The following PCDH15 variants were observed in gnomAD, a reference collection of about 807,000 sequenced individuals.
PCDH15 encodes the protein protocadherin related 15, also known as protocadherin-15.
A neutral mutation model predicts 178.5 loss-of-function variants in PCDH15; 129 were observed. The ratio of observed to expected loss-of-function variants is 0.72; its 90% CI spans 0.63 to 0.84. The LOEUF is 0.84. Ranked by LOEUF, PCDH15 falls within the 40% of genes least tolerant of loss-of-function variation. PCDH15 has a pLI of 0.00. For missense variants in PCDH15, 2,230 were observed against 2,099.9 expected, an observed-to-expected ratio of 1.06 and a Z score of -1.21; for synonymous variants, 800 against 732.0, an observed-to-expected ratio of 1.09 and a Z score of -1.50.
intron 15 of PCDH15, among the ~76,000 whole-genome samples, chr10:54,101,523 T>C (rs1249831951): frequency 1.3e-5 from 2 of 152,126 alleles, no homozygotes; most frequent in African/African-American, 2.4e-5. Flanking sequence ...CATAACCCCT[T>C]AGTATATTTT....
chr10:55,423,324 G>T (rs978361854), intron 2 of PCDH15, among the ~76,000 whole-genome samples: 4 of 151,954 alleles, frequency 2.6e-5, no homozygotes, highest in Admixed American at 1.3e-4. Context: ...ATGCACTGTA[G>T]GGTATCAGAT....
Position 55,085,290 on chromosome 10 carries a change from T to G in PCDH15, c.-80+81286A>C, listed in dbSNP as rs1842140291. On this transcript the variant is annotated intron_variant, in intron 2 of 5. Transcript: ENST00000458638. ...ACAAACTTTGCATGCTCTCACTCATTTGTGGGAGCTAAAAATTAAAACAAT... is the reference window on the plus strand; with the variant it reads ...ACAAACTTTGCATGCTCTCACTCATGTGTGGGAGCTAAAAATTAAAACAAT... Among the ~76,000 whole-genome samples the G allele has an allele frequency of 1.3e-5, 2 of 151,866 alleles. 1 individual carries two copies. The highest frequency in any genetic ancestry group is 1.3e-4 in the Admixed American group (2 of 15,194).
chr10:54,403,544 AC>A (rs1420577882), intron 3 of PCDH15, among the ~76,000 whole-genome samples: 1 of 151,518 alleles, frequency 6.6e-6, no homozygotes, highest in East Asian at 1.9e-4. Context: ...GGACAAAGAT[AC>A]CCCCTATCAC....
chr10:54,131,241 A>G (rs12218327), intron 15 of PCDH15, among the ~76,000 whole-genome samples: 30,743 of 152,104 alleles, frequency 0.2, 4,331 homozygotes, highest in East Asian at 0.81. Context: ...TACTTCATAG[A>G]AAGTTAAATT....
In PCDH15 at chr10:54,346,342, A is replaced by T. The variant is rs375920484; in HGVS notation, c.594+23T>A. 5 of 1,608,046 alleles carry T rather than the reference A, an allele frequency of 3.1e-6. No homozygotes were observed. In the South Asian group the frequency reaches 5.5e-5, roughly 18 times the overall value. On this transcript the variant is annotated intron_variant, in intron 6 of 37. Coordinates refer to ENST00000644397, the MANE Select transcript of PCDH15 (RefSeq NM_001384140.1). ...ATTTTATTCCTTTTAAGAAAATTACATTGCAAATAGGTATTTACATACCGG... is the reference window on the plus strand; with the variant it reads ...ATTTTATTCCTTTTAAGAAAATTACTTTGCAAATAGGTATTTACATACCGG...
chr10:54,702,163 C>A (rs1297916773), intron 1 of PCDH15, among the ~76,000 whole-genome samples: 2 of 151,906 alleles, frequency 1.3e-5, no homozygotes, highest in African/African-American at 4.8e-5. Context: ...CACTCAAAAT[C>A]ATACAAATAC....
intron 2 of PCDH15, among the ~76,000 whole-genome samples, chr10:54,586,962 A>G (rs2091514108): frequency 6.6e-6 from 1 of 152,174 alleles, no homozygotes; most frequent in South Asian, 2.1e-4. Context: ...GATACTCAGT[A>G]CATATTTTTG....
intron 2 of PCDH15, among the ~76,000 whole-genome samples, chr10:54,945,354 TAG>T (rs1838171388): frequency 7.4e-6 from 1 of 134,826 alleles, no homozygotes; most frequent in Non-Finnish European, 1.7e-5. Flanking sequence ...AGATAGATGA[TAG>T]ATAGATATAT....
At chr10:55,121,378 T>G (rs1315528723) in intron 2 of PCDH15, among the ~76,000 whole-genome samples, 1 of 151,898 alleles carries the variant, frequency 6.6e-6, no homozygotes, top group Non-Finnish European at 1.5e-5. Flanking sequence ...CAATTTGCCT[T>G]AGGATGACTT....
At chr10:54,042,132 C>G (rs1403172982) in intron 18 of PCDH15, among the ~76,000 whole-genome samples, 1 of 152,034 alleles carries the variant, frequency 6.6e-6, no homozygotes, top group African/African-American at 2.4e-5. Context: ...CTTTCTATAA[C>G]AATTTCCCAT....
chr10:55,385,808 T>A (rs1433144809), intron 2 of PCDH15, among the ~76,000 whole-genome samples: 1 of 149,338 alleles, frequency 6.7e-6, no homozygotes, highest in African/African-American at 2.4e-5. Context: ...TAGATATGCA[T>A]ATATATGCAT....
chr10:54,877,800 T>C (rs1954173093), intron 3 of PCDH15, among the ~76,000 whole-genome samples: 1 of 152,092 alleles, frequency 6.6e-6, no homozygotes, highest in Non-Finnish European at 1.5e-5. Context: ...ATATTAATAG[T>C]TTCCTGTGAA....
At chr10:54,719,198 T>A (rs893959236) in intron 1 of PCDH15, among the ~76,000 whole-genome samples, 1 of 151,902 alleles carries the variant, frequency 6.6e-6, no homozygotes, top group Non-Finnish European at 1.5e-5. Context: ...AAATAAAAAA[T>A]TCATTAAAAT....
intron 1 of PCDH15, among the ~76,000 whole-genome samples, chr10:54,689,227 T>G (rs1430965603): frequency 6.6e-6 from 1 of 152,118 alleles, no homozygotes; most frequent in Non-Finnish European, 1.5e-5. Context: ...TAGGTAATTT[T>G]TAAAGTTTAT....
chr10:54,170,116 C>T (rs10825249), intron 13 of PCDH15, among the ~76,000 whole-genome samples: 29,052 of 89,444 alleles, frequency 0.32, 5,045 homozygotes, highest in African/African-American at 0.46. Flanking sequence ...GCTGTACTGC[C>T]ACAAAGCTTC....
At chr10:54,218,601 T>C (rs555701701) in intron 9 of PCDH15, among the ~76,000 whole-genome samples, 8 of 152,190 alleles carry the variant, frequency 5.3e-5, no homozygotes, top group African/African-American at 1.9e-4. Context: ...CTGGAGAAGC[T>C]TCATCAAATA....
At chr10:55,085,355 G>A (rs546498347) in intron 2 of PCDH15, among the ~76,000 whole-genome samples, 3 of 151,976 alleles carry the variant, frequency 2.0e-5, no homozygotes, top group African/African-American at 7.2e-5. Flanking sequence ...TGGAATAAGA[G>A]TTTGTGGTGG....
At chr10:55,537,437 A>G (rs891643721) in intron 2 of PCDH15, among the ~76,000 whole-genome samples, 2 of 150,170 alleles carry the variant, frequency 1.3e-5, no homozygotes, top group African/African-American at 5.0e-5. Context: ...GTATGTATGT[A>G]TTTATTTATT....
intron 2 of PCDH15, among the ~76,000 whole-genome samples, chr10:55,564,769 GGAGGACATAATATATT>G (rs1842267865): frequency 1.3e-5 from 2 of 151,522 alleles, no homozygotes; most frequent in South Asian, 4.1e-4. Flanking sequence ...AAGAGTCAAA[GGAGGACATAATATATT>G]AATAAAAGGT....
Sources: allele counts gnomAD v4.1 joint callset (sites outside exome capture counted in the v4.1 genomes callset), GRCh38; gene constraint gnomAD v4.1.1; transcripts MANE v1.5; gene names NCBI Gene and HGNC (gene_info 2026-07-23, HGNC 2026-07-21).